The following PRAC2 variants were observed in gnomAD, a reference collection of about 807,000 sequenced individuals.
PRAC2 encodes the protein PRAC2 small nuclear protein.
For missense variants in PRAC2, 92 were observed against 114.5 expected (o/e 0.80, Z 0.90); for synonymous variants, 43 against 49.5 (o/e 0.87, Z 0.55).
chr17:48,721,317 G>T (rs1319931120), upstream of PRAC2, among the ~76,000 whole-genome samples: 1 of 152,116 alleles, frequency 6.6e-6, no homozygotes. Context: ...AGAGAAAAAG[G>T]TGCAATTATT....
intron 1 of PRAC2, chr17:48,723,855 AT>A: frequency 9.3e-7 from 1 of 1,070,374 alleles, no homozygotes; most frequent in East Asian, 3.2e-5. Context: ...GTTAGAAATT[AT>A]TTCGGGCCTG....
chr17:48,718,854 G>T (rs531258017), upstream of PRAC2, among the ~76,000 whole-genome samples: 8 of 152,330 alleles, frequency 5.3e-5, no homozygotes, highest in South Asian at 1.7e-3. Context: ...GACAGGGAGA[G>T]CATTATCTGG....
rs2038174128 is a variant in PRAC2 at position 48,723,911 on chromosome 17, TGAGAGATTC to T, written c.-83-415_-83-407del. 8.0e-6 allele frequency: 5 copies of T among 624,802 alleles called. No individual in the cohort carries two copies. In the Admixed American group the frequency reaches 2.2e-4, roughly 27 times the overall value. 38.7% of individuals were successfully genotyped at this position (624,802 alleles called of 1,614,324 possible). ...CCTGTGATCCCATTTCGTAGCTTGC[TGAGAGATTC>T]GCTGCGGGAGTTTGGCTCTGAGGGA... On this transcript the variant is annotated intron_variant, in intron 1 of 1. Transcript: ENST00000422730.
Position 48,724,692 on chromosome 17 carries a change from CG to C in PRAC2, c.*11del. The C allele has an allele frequency of 8.2e-7, 1 of 1,225,100 alleles. No homozygotes were observed. Among genetic ancestry groups the C allele is most frequent in the Non-Finnish European group, 1.0e-6 (1 of 981,706 alleles). The allele number at this position is 1,225,100 out of a possible 1,614,324, so 75.9% of individuals were successfully genotyped here. ...TTCTCCTGGAGTGGTGAGCCTCTGT[CG>C]GAAGGGGGCGCCCACGTCTTTTTAA... On this transcript the variant is annotated 3_prime_UTR_variant, in exon 2 of 2. Coordinates refer to ENST00000422730, the MANE Select transcript of PRAC2 (RefSeq NM_001282275.2).
chr17:48,719,258 T>C (rs1479305130), upstream of PRAC2, among the ~76,000 whole-genome samples: 2 of 145,490 alleles, frequency 1.4e-5, no homozygotes, highest in African/African-American at 5.3e-5. Context: ...CACGCAGCAC[T>C]ACTACCGTCT....
chr17:48,723,638 A>ATTCTCGGCTGGCGGCGGC, intron 1 of PRAC2: 1 of 1,134,316 alleles, frequency 8.8e-7, no homozygotes, highest in East Asian at 3.2e-5. Flanking sequence ...GGCGGGGCGG[A>ATTCTCGGCTGGCGGCGGC]TTCTCGGCTG....
rs1455377825 is a variant in PRAC2, at chr17:48,724,521, G to C, written c.111G>C (p.Ser37=). 2 of 1,233,226 alleles carry C rather than the reference G, an allele frequency of 1.6e-6. No homozygotes were observed. The highest frequency in any genetic ancestry group is 4.2e-5 in the Admixed American group (1 of 23,696). 76.4% of individuals were successfully genotyped at this position (1,233,226 alleles called of 1,614,324 possible). ...TCCTTGCCTTCTTCCTGGGTCTCTC[G>C]GGGGCTGGACCAATACATCTGCCGA... is the stretch of plus-strand genomic sequence containing the variant. ...PNLLAFFLGL[S]GAGPIHLPMP... is the part of the protein sequence containing the mutation. The change falls in exon 2 of 2, where the codon TCG becomes TCC. Residue 37 remains serine (S), a synonymous_variant. Coordinates refer to ENST00000422730, the MANE Select transcript of PRAC2 (RefSeq NM_001282275.2).
chr17:48,722,355 T>A, upstream of PRAC2: 1 of 1,614,200 alleles, frequency 6.2e-7, no homozygotes, highest in Non-Finnish European at 8.5e-7. Context: ...GGTAGTAAGA[T>A]GGGCCGGTCC....
At chr17:48,723,697 C>T in intron 1 of PRAC2, 1 of 1,231,746 alleles carries the variant, frequency 8.1e-7, no homozygotes. Context: ...CGGAGTAAAA[C>T]CCGAAAGATG....
In PRAC2 at chr17:48,724,485, C is replaced by A; in HGVS notation, c.75C>A (p.Leu25=). The change falls in exon 2 of 2, where the codon CTC becomes CTA. Residue 25 remains leucine (L), a synonymous_variant. Transcript: ENST00000422730. The part of the protein sequence containing the change: ...PTAFFFHSRW[L]VPNLLAFFLG... Reference sequence around the variant, plus strand: ...CCTTCTTCTTCCATTCGAGATGGCTCGTACCGAACCTCCTTGCCTTCTTCC... The same window carrying A: ...CCTTCTTCTTCCATTCGAGATGGCTAGTACCGAACCTCCTTGCCTTCTTCC... The A allele has an allele frequency of 8.1e-7, 1 of 1,234,146 alleles. No individual in the cohort carries two copies. Among genetic ancestry groups the A allele is most frequent in the Non-Finnish European group, 1.0e-6 (1 of 988,138 alleles). The allele number at this position is 1,234,146 out of a possible 1,614,324, so 76.4% of individuals were successfully genotyped here.
upstream of PRAC2, chr17:48,721,691 G>A: frequency 8.8e-7 from 1 of 1,132,634 alleles, no homozygotes; most frequent in African/African-American, 1.6e-5. Context: ...AAGAAAAATT[G>A]TTATAATCAC....
upstream of PRAC2, chr17:48,722,661 C>T: frequency 2.1e-6 from 1 of 468,646 alleles, no homozygotes; most frequent in Non-Finnish European, 3.9e-6. Context: ...GCCTCCTCGC[C>T]TCCCCGCAAA....
At chr17:48,719,873 C>A (rs1469228295), upstream of PRAC2, among the ~76,000 whole-genome samples, 1 of 152,112 alleles carries the variant, frequency 6.6e-6, no homozygotes, top group Admixed American at 6.5e-5. Context: ...CGTTTCGGGT[C>A]GCTCCACAGC....
upstream of PRAC2, chr17:48,722,641 C>T: frequency 2.0e-6 from 1 of 506,386 alleles, no homozygotes; most frequent in South Asian, 2.3e-5. Context: ...TGGAGTGTCT[C>T]CTCCCAGCAG....
chr17:48,722,300 G>T, upstream of PRAC2: 1 of 1,604,958 alleles, frequency 6.2e-7, no homozygotes, highest in Non-Finnish European at 8.5e-7. Context: ...AACGCCCTTG[G>T]CCCACCGATC....
upstream of PRAC2, chr17:48,721,935 A>C: frequency 1.4e-6 from 2 of 1,479,662 alleles, no homozygotes; most frequent in Non-Finnish European, 1.8e-6. Context: ...ATTTTAAATA[A>C]TAATAACGTT....
chr17:48,721,450 T>C (rs894117639), upstream of PRAC2, among the ~76,000 whole-genome samples: 11 of 152,282 alleles, frequency 7.2e-5, no homozygotes, highest in African/African-American at 2.6e-4. Flanking sequence ...TTCAGCCTCT[T>C]GAGTAGCTGG....
rs965263972 is a variant in PRAC2, at chr17:48,724,708, C to T, written c.*25C>T. 2.5e-6 allele frequency: 3 copies of T among 1,194,954 alleles called. No homozygotes were observed. The highest frequency in any genetic ancestry group is 3.1e-5 in the African/African-American group (2 of 63,494). The allele number at this position is 1,194,954 out of a possible 1,614,324, so 74.0% of individuals were successfully genotyped here. ...AGCCTCTGTCGGAAGGGGGCGCCCA[C>T]GTCTTTTTAATGGTCCTAACACACC... On this transcript the variant is annotated 3_prime_UTR_variant, in exon 2 of 2. Transcript: ENST00000422730.
chr17:48,724,700 G>A lies in PRAC2; in HGVS notation c.*17G>A. On this transcript the variant is annotated 3_prime_UTR_variant, in exon 2 of 2. Transcript: ENST00000422730. ...GAGTGGTGAGCCTCTGTCGGAAGGG[G>A]GCGCCCACGTCTTTTTAATGGTCCT... is the stretch of plus-strand genomic sequence containing the variant. 3.3e-6 allele frequency: 4 copies of A among 1,216,376 alleles called. No individual in the cohort carries two copies. The highest frequency in any genetic ancestry group is 4.1e-6 in the Non-Finnish European group (4 of 973,752). 75.3% of individuals were successfully genotyped at this position (1,216,376 alleles called of 1,614,324 possible).
Sources: allele counts gnomAD v4.1 joint callset (sites outside exome capture counted in the v4.1 genomes callset), GRCh38; gene constraint gnomAD v4.1.1; transcripts MANE v1.5; gene names NCBI Gene and HGNC (gene_info 2026-07-23, HGNC 2026-07-21).